REC114: variants seen among roughly 807,000 people sequenced by gnomAD.
The protein encoded by REC114 is REC114 meiotic recombination protein, also known as meiotic recombination protein REC114.
Under a neutral mutation model 31.3 loss-of-function variants are expected in REC114, and 27 were observed. That is an observed-to-expected ratio of 0.86 (90% CI 0.64 to 1.19). REC114 has a LOEUF of 1.19. Ranked by LOEUF, REC114 falls within the 50% of genes most tolerant of loss-of-function variation. REC114 has a pLI of 0.00. For synonymous variants in REC114, 134 were observed against 127.7 expected (o/e 1.05, Z -0.33); for missense variants, 344 against 326.9 (o/e 1.05, Z -0.40).
At chr15:73,447,008 G>C (rs555369483) in intron 1 of REC114, among the ~76,000 whole-genome samples, 19 of 152,254 alleles carry the variant, frequency 1.2e-4, no homozygotes, top group African/African-American at 4.6e-4. Flanking sequence ...GTAGAGATAG[G>C]GATATTGGGA....
intron 2 of REC114, among the ~76,000 whole-genome samples, chr15:73,539,433 G>A (rs970007788): frequency 1.4e-5 from 2 of 147,270 alleles, no homozygotes; most frequent in African/African-American, 2.5e-5. Context: ...TAGGACTACA[G>A]GCACCTGCCA....
At chr15:73,454,143 T>A (rs905276666) in intron 1 of REC114, among the ~76,000 whole-genome samples, 1 of 151,670 alleles carries the variant, frequency 6.6e-6, no homozygotes, top group Admixed American at 6.6e-5. Context: ...AAAAATAAAT[T>A]AAATAAATAA....
intron 1 of REC114, among the ~76,000 whole-genome samples, chr15:73,468,378 A>C (rs1050708950): frequency 7.0e-4 from 106 of 152,188 alleles, no homozygotes; most frequent in African/African-American, 2.4e-3. Flanking sequence ...TTCAGGTTCT[A>C]GTTCTTCATT....
rs184038181 is a variant in REC114, at chr15:73,475,859, A to G, written c.249+1938A>G. 1.9e-4 allele frequency among the ~76,000 whole-genome samples: 29 copies of G among 152,300 alleles called. 1 individual carries two copies. Among genetic ancestry groups the G allele is most frequent in the Admixed American group, 1.6e-3 (24 of 15,302 alleles). ...CATCACATTCATTCACCACTCACTCACCCAGAGCAATTTTCACCTTGCAAG... is the reference window on the plus strand; with the variant it reads ...CATCACATTCATTCACCACTCACTCGCCCAGAGCAATTTTCACCTTGCAAG... On this transcript the variant is annotated intron_variant, in intron 2 of 5. Coordinates refer to ENST00000331090, the MANE Select transcript of REC114 (RefSeq NM_001042367.2).
chr15:73,528,782 G>A (rs960426400), intron 2 of REC114, among the ~76,000 whole-genome samples: 1 of 152,120 alleles, frequency 6.6e-6, no homozygotes, highest in African/African-American at 2.4e-5. Flanking sequence ...GCAGGAGTCT[G>A]TACAATCAAA....
intron 1 of REC114, among the ~76,000 whole-genome samples, chr15:73,453,260 C>A (rs1280676447): frequency 6.6e-6 from 1 of 152,178 alleles, no homozygotes; most frequent in East Asian, 1.9e-4. Flanking sequence ...TATCCAGAAT[C>A]TACAAAGAAT....
intron 2 of REC114, 129 bp from the exon 3 acceptor site, chr15:73,540,356 G>A: frequency 1.3e-6 from 1 of 746,764 alleles, no homozygotes; most frequent in East Asian, 2.5e-5. Flanking sequence ...TGGTTTTATT[G>A]AGTCATTGCT....
chr15:73,519,622 T>G (rs1380513263), intron 2 of REC114, among the ~76,000 whole-genome samples: 1 of 152,212 alleles, frequency 6.6e-6, no homozygotes, highest in Non-Finnish European at 1.5e-5. Context: ...CAATCCCACT[T>G]CTGCATCTAT....
At chr15:73,481,120 C>T (rs1352634944) in intron 2 of REC114, among the ~76,000 whole-genome samples, 1 of 152,148 alleles carries the variant, frequency 6.6e-6, no homozygotes, top group Admixed American at 6.6e-5. Flanking sequence ...ATCCATAAAA[C>T]CCCTCCAAAA....
At chr15:73,498,745 G>A (rs998787417) in intron 2 of REC114, among the ~76,000 whole-genome samples, 10 of 152,118 alleles carry the variant, frequency 6.6e-5, no homozygotes, top group African/African-American at 2.4e-4. Flanking sequence ...TATATTAATG[G>A]ATTTAGGCTG....
At chr15:73,466,001 A>C (rs1466792341) in intron 1 of REC114, among the ~76,000 whole-genome samples, 3 of 151,832 alleles carry the variant, frequency 2.0e-5, no homozygotes, top group Non-Finnish European at 4.4e-5. Flanking sequence ...ACAGGTGCAC[A>C]CCACCACGCC....
intron 4 of REC114, among the ~76,000 whole-genome samples, chr15:73,553,160 A>C (rs1894415478): frequency 6.6e-6 from 1 of 152,142 alleles, no homozygotes; most frequent in East Asian, 1.9e-4. Context: ...GGTGAACATA[A>C]ATTTTCATTA....
intron 1 of REC114, 51 bp from the exon 2 acceptor site, chr15:73,473,781 G>A: frequency 1.9e-6 from 2 of 1,042,766 alleles, no homozygotes; most frequent in South Asian, 2.9e-5. Context: ...AAGTTTATCA[G>A]TTATAGAAAT....
intron 5 of REC114, 135 bp downstream of exon 5, chr15:73,556,526 GAC>G: frequency 1.4e-6 from 1 of 737,478 alleles, no homozygotes; most frequent in South Asian, 1.9e-5. Context: ...TAGAGACAGA[GAC>G]GGGCCATTTT....
chr15:73,482,376 C>T lies in REC114; in HGVS notation c.249+8455C>T, dbSNP rs192589780. Among the ~76,000 whole-genome samples, 382 of 152,282 alleles carry T rather than the reference C, an allele frequency of 2.5e-3. 1 individual carries two copies. The highest frequency in any genetic ancestry group is 0.01 in the Middle Eastern group (3 of 294). ...GAGGCACTTCCCCCTTCTCTTGTTC[C>T]TGTTCTTGCCATGCGACATGCCTCT... On this transcript the variant is annotated intron_variant, in intron 2 of 5. Transcript: ENST00000331090.
intron 2 of REC114, among the ~76,000 whole-genome samples, chr15:73,474,615 A>C (rs1317211698): frequency 6.6e-6 from 1 of 152,184 alleles, no homozygotes; most frequent in African/African-American, 2.4e-5. Flanking sequence ...TACTATCTAC[A>C]TGGGCATAAT....
At chr15:73,512,934 C>G (rs949491652) in intron 2 of REC114, among the ~76,000 whole-genome samples, 171 of 151,884 alleles carry the variant, frequency 1.1e-3, no homozygotes, top group Middle Eastern at 6.8e-3. Context: ...TGGAGTTGCT[C>G]TTCTCGAGGA....
intron 3 of REC114, among the ~76,000 whole-genome samples, chr15:73,543,367 T>C (rs1475964781): frequency 6.6e-6 from 1 of 152,180 alleles, no homozygotes; most frequent in Non-Finnish European, 1.5e-5. Context: ...AGTTTCACTC[T>C]TGTTGCCCAG....
At chr15:73,550,639 C>T (rs894841963) in intron 3 of REC114, among the ~76,000 whole-genome samples, 2 of 152,124 alleles carry the variant, frequency 1.3e-5, no homozygotes, top group African/African-American at 4.8e-5. Flanking sequence ...TTCCAAAGCA[C>T]GATAAAACAC....
Sources: allele counts gnomAD v4.1 joint callset (sites outside exome capture counted in the v4.1 genomes callset), GRCh38; gene constraint gnomAD v4.1.1; transcripts MANE v1.5; gene names NCBI Gene and HGNC (gene_info 2026-07-23, HGNC 2026-07-21).